ULK4: variants seen among roughly 807,000 people sequenced by gnomAD.
The protein encoded by ULK4 is unc-51 like kinase 4.
Under a neutral mutation model 160.6 loss-of-function variants are expected in ULK4, and 133 were observed. The observed-to-expected ratio is 0.83, with a 90% CI of 0.72 to 0.96. The LOEUF (loss-of-function observed/expected upper bound fraction) is 0.96, where lower values mean the gene tolerates loss of function less well. Among genes scored for constraint, ULK4 ranks in the 40% least tolerant of loss-of-function variants. The pLI is 0.00. For missense variants in ULK4, 1,580 were observed against 1,499.5 expected, an observed-to-expected ratio of 1.05 and a Z score of -0.89; for synonymous variants, 534 against 539.8, an observed-to-expected ratio of 0.99 and a Z score of 0.15.
intron 31 of ULK4, among the ~76,000 whole-genome samples, chr3:41,571,469 T>C (rs1032243494): frequency 4.6e-5 from 7 of 152,244 alleles, no homozygotes; most frequent in African/African-American, 1.7e-4. Context: ...CACAATCTTA[T>C]TAGCTTACGG....
intron 34 of ULK4, among the ~76,000 whole-genome samples, chr3:41,436,415 T>C (rs9815721): frequency 0.26 from 40,271 of 152,120 alleles, 5,810 homozygotes; most frequent in African/African-American, 0.38. Flanking sequence ...ATAGTTTTAT[T>C]TGAAACTGAT....
At chr3:41,807,656 A>G (rs1402210698) in intron 19 of ULK4, among the ~76,000 whole-genome samples, 1 of 152,214 alleles carries the variant, frequency 6.6e-6, no homozygotes, top group Non-Finnish European at 1.5e-5. Context: ...TTCTCAATAA[A>G]TGTTAGCTTT....
At chr3:41,679,770 T>C (rs2035860477) in intron 29 of ULK4, among the ~76,000 whole-genome samples, 1 of 152,254 alleles carries the variant, frequency 6.6e-6, no homozygotes, top group Non-Finnish European at 1.5e-5. Context: ...TGTGAAGTCC[T>C]GTTGGAGTAA....
At chr3:41,726,818 T>C (rs918490233) in intron 22 of ULK4, among the ~76,000 whole-genome samples, 1 of 152,154 alleles carries the variant, frequency 6.6e-6, no homozygotes, top group African/African-American at 2.4e-5. Context: ...CATTTAATTT[T>C]TATATTTTTA....
intron 30 of ULK4, among the ~76,000 whole-genome samples, chr3:41,623,006 T>C (rs1165205551): frequency 2.0e-5 from 3 of 152,168 alleles, no homozygotes; most frequent in East Asian, 1.9e-4. Flanking sequence ...CAGTGGGCCA[T>C]GTTTAGGGGA....
intron 22 of ULK4, among the ~76,000 whole-genome samples, chr3:41,734,932 A>T (rs543723594): frequency 4.6e-5 from 7 of 152,150 alleles, no homozygotes; most frequent in Non-Finnish European, 1.0e-4. Context: ...GCAGCACCTC[A>T]AGCCTTAAAT....
At chr3:41,780,131 G>T (rs1041654102) in intron 21 of ULK4, among the ~76,000 whole-genome samples, 2 of 151,770 alleles carry the variant, frequency 1.3e-5, no homozygotes, top group Non-Finnish European at 2.9e-5. Flanking sequence ...GGGCAGCATG[G>T]CGAAACCCAG....
At chr3:41,283,624 G>A (rs924417326) in intron 35 of ULK4, among the ~76,000 whole-genome samples, 6 of 152,080 alleles carry the variant, frequency 3.9e-5, no homozygotes, top group Non-Finnish European at 7.4e-5. Flanking sequence ...GGTGGAGAAC[G>A]TCAAAACCAG....
chr3:41,927,497 A>G (rs1470600108), intron 5 of ULK4, among the ~76,000 whole-genome samples: 1 of 152,140 alleles, frequency 6.6e-6, no homozygotes, highest in Admixed American at 6.5e-5. Flanking sequence ...ACACATAACA[A>G]TATTAACCTT....
At chr3:41,401,029 G>A (rs1443409160) in intron 34 of ULK4, among the ~76,000 whole-genome samples, 1 of 152,050 alleles carries the variant, frequency 6.6e-6, no homozygotes, top group African/African-American at 2.4e-5. Context: ...TCTTTAAATA[G>A]TCTAGATACG....
chr3:41,528,404 G>C (rs1056356636), intron 32 of ULK4, among the ~76,000 whole-genome samples: 7 of 152,130 alleles, frequency 4.6e-5, no homozygotes, highest in Non-Finnish European at 7.4e-5. Context: ...TTATATATAA[G>C]GAATTCATTT....
At chr3:41,432,708 T>C (rs775024511) in intron 34 of ULK4, among the ~76,000 whole-genome samples, 4 of 152,194 alleles carry the variant, frequency 2.6e-5, no homozygotes, top group Non-Finnish European at 5.9e-5. Context: ...ACCAATCACA[T>C]TCATCCAAAG....
chr3:41,330,147 T>C (rs2080413937), intron 35 of ULK4, among the ~76,000 whole-genome samples: 1 of 152,158 alleles, frequency 6.6e-6, no homozygotes, highest in African/African-American at 2.4e-5. Context: ...AGATTAGAAT[T>C]TGCCAGCACA....
intron 21 of ULK4, among the ~76,000 whole-genome samples, chr3:41,756,051 T>TTGG (rs2038790555): frequency 6.6e-6 from 1 of 152,184 alleles, no homozygotes; most frequent in Non-Finnish European, 1.5e-5. Context: ...CTGTTAACAT[T>TTGG]TGGTGAATGT....
Position 41,684,716 on chromosome 3 carries a change from C to G in ULK4, c.2782-2912G>C, listed in dbSNP as rs181661267. On this transcript the variant is annotated intron_variant, in intron 27 of 36. Transcript: ENST00000301831. Reference sequence around the variant, plus strand: ...ACCATGGAGATGCCTCCTCTACCCCCTCTCTAGAAATACCATTTGCTTATA... The same window carrying G: ...ACCATGGAGATGCCTCCTCTACCCCGTCTCTAGAAATACCATTTGCTTATA... Among the ~76,000 whole-genome samples, 29 of 152,338 alleles carry G rather than the reference C, an allele frequency of 1.9e-4. No homozygotes were observed. The East Asian group carries it at 5.6e-3, about 29-fold the overall frequency.
At chr3:41,921,425 C>T (rs755881291) in intron 5 of ULK4, among the ~76,000 whole-genome samples, 10 of 151,968 alleles carry the variant, frequency 6.6e-5, no homozygotes, top group African/African-American at 1.9e-4. Context: ...GCCTGGCTAA[C>T]ATGGTAAAAC....
chr3:41,931,454 C>T (rs553414661), intron 5 of ULK4, among the ~76,000 whole-genome samples: 2 of 134,974 alleles, frequency 1.5e-5, no homozygotes, highest in African/African-American at 5.6e-5. Flanking sequence ...ATGTTCTGCA[C>T]ATGTACCCTA....
At chr3:41,704,693 C>T (rs1403473752) in intron 27 of ULK4, among the ~76,000 whole-genome samples, 1 of 152,034 alleles carries the variant, frequency 6.6e-6, no homozygotes, top group Non-Finnish European at 1.5e-5. Flanking sequence ...GCTAAACATC[C>T]CAGAATGCAC....
At chr3:41,253,521 T>TA (rs928747509) in intron 35 of ULK4, among the ~76,000 whole-genome samples, 25 of 149,962 alleles carry the variant, frequency 1.7e-4, no homozygotes, top group South Asian at 4.2e-4. Flanking sequence ...AGATGTAATT[T>TA]AAAAAAAAAC....
Sources: allele counts gnomAD v4.1 joint callset (sites outside exome capture counted in the v4.1 genomes callset), GRCh38; gene constraint gnomAD v4.1.1; transcripts MANE v1.5; gene names NCBI Gene and HGNC (gene_info 2026-07-23, HGNC 2026-07-21).